The following CCDC178 variants were observed in gnomAD, a reference collection of about 807,000 sequenced individuals.
CCDC178 encodes coiled-coil domain containing 178.
A neutral mutation model predicts 117.4 loss-of-function variants in CCDC178; 126 were observed. The ratio of observed to expected loss-of-function variants is 1.07; its 90% CI spans 0.93 to 1.24. The LOEUF is 1.24. CCDC178 is among the 50% of genes most tolerant of loss of function. The pLI is 0.00. For missense variants in CCDC178, 1,030 were observed against 986.9 expected (o/e 1.04, Z -0.59); for synonymous variants, 283 against 313.4 (o/e 0.90, Z 1.02).
intron 21 of CCDC178, among the ~76,000 whole-genome samples, chr18:33,017,068 C>T (rs891354069): frequency 6.6e-6 from 1 of 151,620 alleles, no homozygotes; most frequent in South Asian, 2.1e-4. Flanking sequence ...TATGTGAATA[C>T]AACTATTCAA....
chr18:33,328,082 GATTTTTTTTTTTTTTTTTTTTT>G (rs752606285), intron 10 of CCDC178: 2,590 of 248,668 alleles, frequency 0.01, 61 homozygotes, highest in Middle Eastern at 0.034. Context: ...TTTATCCCTA[GATTTTTTTTTTTTTTTTTTTTT>G]TTTTTTTTTT....
At chr18:33,175,582 G>A (rs777842499) in intron 20 of CCDC178, among the ~76,000 whole-genome samples, 5 of 151,972 alleles carry the variant, frequency 3.3e-5, no homozygotes, top group Admixed American at 2.0e-4. Context: ...TTTGAACTTC[G>A]CAGAGGCAGT....
chr18:33,040,119 T>C (rs1223734076), intron 21 of CCDC178, among the ~76,000 whole-genome samples: 1 of 151,918 alleles, frequency 6.6e-6, no homozygotes, highest in Non-Finnish European at 1.5e-5. Flanking sequence ...TGAGTTAGTG[T>C]ACACATGAAA....
intron 15 of CCDC178, among the ~76,000 whole-genome samples, chr18:33,227,557 TATATATATATATATA>T (rs1258013477): frequency 5.2e-5 from 1 of 19,316 alleles, no homozygotes; most frequent in Non-Finnish European, 1.0e-4. Context: ...TGTGTGTGTG[TATATATATATATATA>T]TATATATACA....
chr18:33,035,353 C>T (rs1219713692), intron 21 of CCDC178, among the ~76,000 whole-genome samples: 1 of 151,480 alleles, frequency 6.6e-6, no homozygotes, highest in East Asian at 1.9e-4. Flanking sequence ...GTAGCAACAG[C>T]GAGTAATGAA....
chr18:33,306,223 T>A (rs997386158), intron 11 of CCDC178, among the ~76,000 whole-genome samples: 2 of 152,068 alleles, frequency 1.3e-5, no homozygotes, highest in Non-Finnish European at 2.9e-5. Flanking sequence ...TGAATTATCA[T>A]AAAGACCTCT....
chr18:32,954,451 T>C (rs572118771), intron 22 of CCDC178: 42 of 152,312 alleles, frequency 2.8e-4, no homozygotes, highest in Non-Finnish European at 5.4e-4. Flanking sequence ...ATATGCATTT[T>C]ACATTGTATT....
At chr18:33,399,696 G>A (rs537011755) in intron 3 of CCDC178, among the ~76,000 whole-genome samples, 1 of 152,222 alleles carries the variant, frequency 6.6e-6, no homozygotes, top group South Asian at 2.1e-4. Context: ...CAGTTCTCTT[G>A]CTCTTTCCAC....
intron 20 of CCDC178, among the ~76,000 whole-genome samples, chr18:33,186,369 C>T (rs982821159): frequency 4.6e-5 from 7 of 151,978 alleles, no homozygotes; most frequent in African/African-American, 1.7e-4. Context: ...ATGGTGTCAG[C>T]CAATCCCAGA....
At chr18:33,300,055 C>T (rs376405337) in intron 11 of CCDC178, among the ~76,000 whole-genome samples, 50 of 152,278 alleles carry the variant, frequency 3.3e-4, no homozygotes, top group African/African-American at 1.2e-3. Flanking sequence ...ATGGATCTCT[C>T]ATGAATAAAT....
At chr18:33,082,660 C>A (rs973621332) in intron 21 of CCDC178, among the ~76,000 whole-genome samples, 2 of 151,888 alleles carry the variant, frequency 1.3e-5, no homozygotes, top group Non-Finnish European at 2.9e-5. Flanking sequence ...ACCAATGTGG[C>A]ACATGTATAC....
At chr18:33,362,847 G>A (rs2063149300) in intron 6 of CCDC178, among the ~76,000 whole-genome samples, 2 of 151,882 alleles carry the variant, frequency 1.3e-5, no homozygotes. Flanking sequence ...ATATAGTGGT[G>A]ATTACACATT....
chr18:33,418,723 G>T (rs548502194), intron 2 of CCDC178, among the ~76,000 whole-genome samples: 1 of 152,190 alleles, frequency 6.6e-6, no homozygotes, highest in East Asian at 1.9e-4. Flanking sequence ...GCCAAGTCAA[G>T]AACACAAGCC....
chr18:33,431,252 C>CATTTAT (rs2144969589), intron 2 of CCDC178, among the ~76,000 whole-genome samples: 1 of 144,828 alleles, frequency 6.9e-6, no homozygotes, highest in South Asian at 2.2e-4. Context: ...GGAAACTAAC[C>CATTTAT]ATTTATATTA....
At chr18:33,409,598 T>C (rs796133854) in intron 3 of CCDC178, among the ~76,000 whole-genome samples, 1 of 152,188 alleles carries the variant, frequency 6.6e-6, no homozygotes, top group South Asian at 2.1e-4. Flanking sequence ...ATATAATACA[T>C]AATTAAAATC....
At chr18:33,135,242 G>T (rs925931515) in intron 20 of CCDC178, among the ~76,000 whole-genome samples, 1 of 151,972 alleles carries the variant, frequency 6.6e-6, no homozygotes, top group African/African-American at 2.4e-5. Context: ...AAGTCAATTT[G>T]CATAGGTAAT....
chr18:32,994,414 T>A (rs1598765918), intron 21 of CCDC178, among the ~76,000 whole-genome samples: 9 of 152,198 alleles, frequency 5.9e-5, no homozygotes, highest in Admixed American at 5.2e-4. Context: ...CAAATTTTCA[T>A]CACCTGTAAA....
intron 14 of CCDC178, among the ~76,000 whole-genome samples, chr18:33,249,056 A>G (rs2059585645): frequency 6.6e-6 from 1 of 152,082 alleles, no homozygotes; most frequent in Admixed American, 6.6e-5. Context: ...TTGGCTGCAT[A>G]AATGTCTTCT....
At chr18:33,047,379 T>G (rs2056663357) in intron 21 of CCDC178, among the ~76,000 whole-genome samples, 1 of 152,182 alleles carries the variant, frequency 6.6e-6, no homozygotes, top group Non-Finnish European at 1.5e-5. Flanking sequence ...TGGTAGCCTA[T>G]TTTTGGCGGG....
Sources: gnomAD v4.1 joint callset for allele counts (sites outside exome capture counted in the v4.1 genomes callset) on GRCh38, gnomAD v4.1.1 for gene constraint, MANE v1.5 for transcripts, NCBI Gene and HGNC (gene_info 2026-07-23, HGNC 2026-07-21) for gene names.